Variants in ERICH3 observed in about 807,000 individuals in gnomAD.
ERICH3 encodes the protein glutamate-rich protein 3.
A neutral mutation model predicts 131.1 loss-of-function variants in ERICH3; 126 were observed. The ratio of observed to expected loss-of-function variants is 0.96; its 90% CI spans 0.83 to 1.11. The LOEUF (loss-of-function observed/expected upper bound fraction) is 1.11, where lower values mean the gene tolerates loss of function less well. ERICH3 is among the 50% of genes most tolerant of loss of function. The pLI is 0.00. For missense variants in ERICH3, 2,050 were observed against 1,810.7 expected, an observed-to-expected ratio of 1.13 and a Z score of -2.40; for synonymous variants, 695 against 644.6, an observed-to-expected ratio of 1.08 and a Z score of -1.18.
At chr1:74,588,491 T>A (rs1273992735) in intron 12 of ERICH3, among the ~76,000 whole-genome samples, 1 of 152,122 alleles carries the variant, frequency 6.6e-6, no homozygotes, top group Non-Finnish European at 1.5e-5. Flanking sequence ...TAGACCCCAG[T>A]GGTTTAACAG....
intron 6 of ERICH3, chr1:74,634,833 C>A: frequency 1.7e-6 from 1 of 590,490 alleles, no homozygotes; most frequent in Non-Finnish European, 3.0e-6. Flanking sequence ...AGCCCATTCC[C>A]AAGATGAGAT....
intron 12 of ERICH3, among the ~76,000 whole-genome samples, chr1:74,581,995 G>C (rs892305708): frequency 1.3e-5 from 2 of 152,144 alleles, no homozygotes; most frequent in Non-Finnish European, 2.9e-5. Flanking sequence ...GAGCTTCCAG[G>C]CTTGGTTAGA....
rs1248686509 is a variant in ERICH3, at chr1:74,655,793, G to A, written c.24-6478C>T. ...GCCAGGAGCAGAAACATTGGACACT[G>A]AATGTGATGGTGATTGGACTGTGTC... On this transcript the variant is annotated intron_variant, in intron 1 of 14. Coordinates refer to ENST00000326665, the MANE Select transcript of ERICH3 (RefSeq NM_001002912.5). Among the ~76,000 whole-genome samples the A allele has an allele frequency of 2.0e-5, 3 of 152,270 alleles. No individual in the cohort carries two copies. The East Asian group carries it at 5.8e-4, about 29-fold the overall frequency.
chr1:74,585,408 G>A (rs1041835819), intron 12 of ERICH3, among the ~76,000 whole-genome samples: 1 of 152,042 alleles, frequency 6.6e-6, no homozygotes, highest in Non-Finnish European at 1.5e-5. Context: ...AATTAAATAT[G>A]ACATACTATA....
rs12723334 is a variant in ERICH3 at position 74,572,161 on chromosome 1, A to G, written c.3549T>C (p.Ser1183=). Residue 1183 remains serine, a synonymous_variant, in exon 14 of 15, where the codon AGT becomes AGC. Transcript: ENST00000326665. ...LRKEGGGERL[S]EARDTEHKDR... ...CTTTGTGCTCTGTGTCTCTGGCTTC[A>G]CTCAGTCTTTCCCCTCCTCCTTCTT... is the stretch of plus-strand genomic sequence containing the variant. 597,799 of 1,612,700 alleles carry G rather than the reference A, an allele frequency of 0.37. 112,717 individuals are homozygous for G. Among genetic ancestry groups the G allele is most frequent in the East Asian group, 0.58 (25,721 of 44,698 alleles).
chr1:74,594,966 T>A (rs1431672950), intron 11 of ERICH3, among the ~76,000 whole-genome samples: 2 of 152,132 alleles, frequency 1.3e-5, no homozygotes, highest in African/African-American at 4.8e-5. Context: ...AGTTAAAAAT[T>A]TAAATGATCT....
intron 1 of ERICH3, among the ~76,000 whole-genome samples, chr1:74,656,142 A>T (rs565724696): frequency 6.6e-5 from 10 of 152,256 alleles, no homozygotes; most frequent in Middle Eastern, 3.4e-3. Flanking sequence ...CCTAGAAAGA[A>T]ACTGGCCCGG....
At chr1:74,655,543 C>T (rs1646575998) in intron 1 of ERICH3, among the ~76,000 whole-genome samples, 1 of 152,186 alleles carries the variant, frequency 6.6e-6, no homozygotes. Context: ...TTCTGCCTCC[C>T]TCTTCCCCAT....
Position 74,599,789 on chromosome 1 carries a change from ACT to A in ERICH3, c.1630_1631del (p.Ser544Ter), listed in dbSNP as rs772628217. The A allele has an allele frequency of 1.4e-5, 23 of 1,612,048 alleles. No homozygotes were observed. The highest frequency in any genetic ancestry group is 1.9e-5 in the Non-Finnish European group (22 of 1,178,954). On this transcript the variant is annotated frameshift_variant, in exon 11 of 15. Coordinates refer to ENST00000326665, the MANE Select transcript of ERICH3 (RefSeq NM_001002912.5). LOFTEE classifies it high-confidence loss of function. ...KKDNLDPEKE[S>X]ETSSQKAPDA... ...CTGGTGCCTTCTGTGATGAGGTTTCACTCTCTTTTTCAGGGTCTAAATTATCT... is the reference window on the plus strand; with the variant it reads ...CTGGTGCCTTCTGTGATGAGGTTTCACTCTTTTTCAGGGTCTAAATTATCT...
intron 13 of ERICH3, 78 bp downstream of exon 13, chr1:74,576,817 A>G: frequency 2.4e-6 from 3 of 1,273,728 alleles, no homozygotes; most frequent in Non-Finnish European, 3.3e-6. Context: ...TTTCAAGAAC[A>G]TGGGAAGTTT....
chr1:74,660,044 C>A (rs1646625268), intron 1 of ERICH3, among the ~76,000 whole-genome samples: 1 of 152,014 alleles, frequency 6.6e-6, no homozygotes, highest in African/African-American at 2.4e-5. Flanking sequence ...AGGGAGGGAC[C>A]CAATGGGAGA....
chr1:74,622,084 C>T (rs1250752055), intron 7 of ERICH3: 1 of 152,194 alleles, frequency 6.6e-6, no homozygotes, highest in African/African-American at 2.4e-5. Context: ...CTGCAACAAA[C>T]ATTTTTGAAG....
chr1:74,607,531 T>G (rs761975441), intron 9 of ERICH3, among the ~76,000 whole-genome samples: 6 of 151,940 alleles, frequency 3.9e-5, no homozygotes, highest in Non-Finnish European at 8.8e-5. Flanking sequence ...AACTCAGGAG[T>G]TTGTTCACTT....
At chr1:74,657,069 T>A (rs925352428) in intron 1 of ERICH3, among the ~76,000 whole-genome samples, 4 of 152,220 alleles carry the variant, frequency 2.6e-5, no homozygotes, top group African/African-American at 9.6e-5. Context: ...TATCCTTTTT[T>A]AAAATCCACA....
At chr1:74,630,209 T>A (rs1649547828) in intron 7 of ERICH3, among the ~76,000 whole-genome samples, 1 of 152,184 alleles carries the variant, frequency 6.6e-6, no homozygotes, top group African/African-American at 2.4e-5. Flanking sequence ...ATGAGCCACA[T>A]CTTTTGAGAG....
chr1:74,631,210 G>C (rs1003893232), intron 7 of ERICH3, among the ~76,000 whole-genome samples: 4 of 151,990 alleles, frequency 2.6e-5, no homozygotes, highest in Non-Finnish European at 4.4e-5. Context: ...AGTCCAACAG[G>C]CCTTAAAATT....
At chr1:74,661,430 C>T (rs1292069962) in intron 1 of ERICH3, among the ~76,000 whole-genome samples, 1 of 152,086 alleles carries the variant, frequency 6.6e-6, no homozygotes, top group African/African-American at 2.4e-5. Context: ...CTTAAAGGAG[C>T]AACCTCATTT....
intron 9 of ERICH3, among the ~76,000 whole-genome samples, chr1:74,607,998 C>T (rs1359820847): frequency 1.3e-5 from 2 of 151,742 alleles, no homozygotes; most frequent in African/African-American, 2.4e-5. Context: ...ATGAGAAAAT[C>T]GAGGCTTAAA....
At position 74,572,048 on chromosome 1, in the gene ERICH3, G is replaced by T. The variant is rs868256984; in HGVS notation, c.3662C>A (p.Ala1221Asp). 1 of 1,614,200 alleles carries T rather than the reference G, an allele frequency of 6.2e-7. No homozygotes were observed. The highest frequency in any genetic ancestry group is 1.1e-5 in the South Asian group (1 of 91,088). ...DGEGALAAPEAEPAGKVQAPE... is the reference protein window; with the variant it reads ...DGEGALAAPEDEPAGKVQAPE... ...GGCCTGCACCTTTCCTGCTGGCTCA[G>T]CTTCAGGAGCTGCTAAGGCCCCCTC... is the stretch of plus-strand genomic sequence containing the variant. Residue 1221 changes from alanine to aspartate, a missense_variant, in exon 14 of 15, where the codon GCT becomes GAT. By Grantham distance (126) the Ala-to-Asp change is moderately radical (BLOSUM62 -2). Coordinates refer to ENST00000326665, the MANE Select transcript of ERICH3 (RefSeq NM_001002912.5).
Sources: allele counts gnomAD v4.1 joint callset (sites outside exome capture counted in the v4.1 genomes callset), GRCh38; gene constraint gnomAD v4.1.1; transcripts MANE v1.5; gene names NCBI Gene and HGNC (gene_info 2026-07-23, HGNC 2026-07-21).